Variants in SHROOM2 observed in about 807,000 individuals in gnomAD.
SHROOM2 encodes shroom family member 2, also known as protein Shroom2.
In SHROOM2, 33 loss-of-function variants were observed where a neutral mutation model predicts 75.9. The ratio of observed to expected loss-of-function variants is 0.43; its 90% CI spans 0.33 to 0.58. The LOEUF (loss-of-function observed/expected upper bound fraction) is 0.58. Among genes scored for constraint, SHROOM2 ranks in the 20% least tolerant of loss-of-function variants. The pLI is 0.04. For missense variants in SHROOM2, 1,434 were observed against 1,461.2 expected (o/e 0.98, Z 0.30); for synonymous variants, 655 against 663.6 (o/e 0.99, Z 0.20).
chrX:9,793,133 C>A (rs1447266186), intron 1 of SHROOM2, among the ~76,000 whole-genome samples: 3 of 111,925 alleles, frequency 2.7e-5, no homozygotes, highest in African/African-American at 9.7e-5. Context: ...GACTACTGAT[C>A]ACTTCCCCCT....
chrX:9,893,871 T>A (rs1301113031), intron 3 of SHROOM2, among the ~76,000 whole-genome samples: 1 of 108,524 alleles, frequency 9.2e-6, no homozygotes, highest in African/African-American at 3.4e-5. Context: ...GGAGAATCGC[T>A]TGAACCCAGG....
rs1411214200 is a variant in SHROOM2, at chrX:9,895,998, T to C, written c.2090T>C (p.Phe697Ser). 8 of 1,205,750 alleles carry C rather than the reference T, an allele frequency of 6.6e-6. No homozygotes were observed. In the African/African-American group the frequency reaches 1.4e-4, roughly 21 times the overall value. ...AQARVLRATSFKRRDLDPNPG... is the reference protein window; with the variant it reads ...AQARVLRATSSKRRDLDPNPG... ...GCCCGGGTCCTGAGGGCCACGTCCT[T>C]CAAGCGCCGCGACTTGGACCCCAAC... Residue 697 changes from phenylalanine (F) to serine (S), a missense_variant, in exon 4 of 10, where the codon TTC becomes TCC. Phe to Ser is a radical substitution (Grantham distance 155). This residue lies in a region of SHROOM2 where 1,340 missense variants were observed against 1,338.3 expected (regional missense o/e 1.00). Coordinates refer to ENST00000380913, the MANE Select transcript of SHROOM2 (RefSeq NM_001649.4).
chrX:9,837,753 C>T (rs1342280610), intron 1 of SHROOM2, among the ~76,000 whole-genome samples: 1 of 111,949 alleles, frequency 8.9e-6, no homozygotes, highest in Admixed American at 9.5e-5. Flanking sequence ...CAGCTCCTTG[C>T]GGCTGGGTGG....
At chrX:9,809,241 T>C (rs754216033) in intron 1 of SHROOM2, among the ~76,000 whole-genome samples, 1 of 111,199 alleles carries the variant, frequency 9.0e-6, no homozygotes, top group East Asian at 2.8e-4. Flanking sequence ...GTCCCAAAAC[T>C]GAAGAACCTG....
chrX:9,791,346 T>C (rs762930209), intron 1 of SHROOM2, among the ~76,000 whole-genome samples: 2 of 111,502 alleles, frequency 1.8e-5, no homozygotes, highest in African/African-American at 6.5e-5. Flanking sequence ...TGGAGTTGTT[T>C]GTCCCCTTGC....
intron 1 of SHROOM2, among the ~76,000 whole-genome samples, chrX:9,850,971 G>A (rs1252895498): frequency 4.5e-5 from 5 of 111,637 alleles, no homozygotes; most frequent in Non-Finnish European, 9.4e-5. Context: ...TGGTAGACCA[G>A]CGTGGCCTTA....
intron 2 of SHROOM2, among the ~76,000 whole-genome samples, chrX:9,883,749 A>C (rs2084244380): frequency 9.0e-6 from 1 of 111,353 alleles, no homozygotes; most frequent in Admixed American, 9.5e-5. Flanking sequence ...AGCCTTCCGG[A>C]GGATTGGCAG....
Position 9,803,037 on chromosome X carries a change from T to C in SHROOM2, c.165+16327T>C, listed in dbSNP as rs752559701. 2.9e-4 allele frequency among the ~76,000 whole-genome samples: 31 copies of C among 107,595 alleles called. No individual in the cohort carries two copies. In the East Asian group the frequency reaches 7.9e-3, roughly 27 times the overall value. The allele number at this position is 107,595 out of a possible 115,157, so 93.4% of individuals were successfully genotyped here. A position where few individuals can be genotyped will look rare whatever the true frequency, so the allele number is the denominator to read the frequency against. ...TTGACCTCCTGGGCTCAAGCAATCC[T>C]CCTGCCTTAGCCCCCTGAGTAGCTG... On this transcript the variant is annotated intron_variant, in intron 1 of 9. Coordinates refer to ENST00000380913, the MANE Select transcript of SHROOM2 (RefSeq NM_001649.4).
At chrX:9,791,851 C>T (rs748525595) in intron 1 of SHROOM2, among the ~76,000 whole-genome samples, 16 of 109,271 alleles carry the variant, frequency 1.5e-4, no homozygotes, top group South Asian at 4.0e-4. Context: ...AAAAATTAGC[C>T]GGGTGTGGTG....
intron 2 of SHROOM2, among the ~76,000 whole-genome samples, chrX:9,887,841 G>T (rs2084269244): frequency 1.8e-5 from 2 of 113,059 alleles, no homozygotes; most frequent in South Asian, 7.1e-4. Flanking sequence ...ATGCAGCTGA[G>T]ATGGGGTTAC....
At chrX:9,864,641 C>T (rs1285042681) in intron 1 of SHROOM2, among the ~76,000 whole-genome samples, 1 of 107,251 alleles carries the variant, frequency 9.3e-6, no homozygotes, top group African/African-American at 3.4e-5. Context: ...AAAAAAAAAA[C>T]GGTGAAACCC....
chrX:9,928,088 C>T (rs2084612399), intron 5 of SHROOM2, among the ~76,000 whole-genome samples: 1 of 111,699 alleles, frequency 9.0e-6, no homozygotes, highest in Non-Finnish European at 1.9e-5. Context: ...CAGGTTTGTC[C>T]CCTTCATATA....
intron 1 of SHROOM2, among the ~76,000 whole-genome samples, chrX:9,808,042 G>C (rs747325564): frequency 9.0e-6 from 1 of 111,472 alleles, no homozygotes; most frequent in Non-Finnish European, 1.9e-5. Context: ...AGGGAGAACT[G>C]GTCTGTGGAT....
intron 5 of SHROOM2, among the ~76,000 whole-genome samples, chrX:9,905,328 T>A (rs2084385903): frequency 1.8e-5 from 2 of 113,148 alleles, no homozygotes; most frequent in Admixed American, 9.3e-5. Flanking sequence ...TCCTTCTCAA[T>A]ATAAATAGAA....
chrX:9,877,021 C>T (rs2084204385), intron 2 of SHROOM2, among the ~76,000 whole-genome samples: 1 of 112,342 alleles, frequency 8.9e-6, no homozygotes, highest in Non-Finnish European at 1.9e-5. Context: ...CCTGTAGTGA[C>T]AGCTGCTACA....
At chrX:9,805,742 A>G (rs61601579) in intron 1 of SHROOM2, among the ~76,000 whole-genome samples, 5,593 of 110,328 alleles carry the variant, frequency 0.051, 330 homozygotes, top group African/African-American at 0.17. Context: ...CTAAAAGGAA[A>G]CCAATTAATG....
At chrX:9,791,999 T>C (rs754118703) in intron 1 of SHROOM2, among the ~76,000 whole-genome samples, 3 of 67 alleles carry the variant, frequency 0.045, no homozygotes, top group Admixed American at 0.25. Flanking sequence ...TAGAATAGAA[T>C]AGAATAGAAT....
At chrX:9,841,899 A>G (rs1248205080) in intron 1 of SHROOM2, among the ~76,000 whole-genome samples, 4 of 111,125 alleles carry the variant, frequency 3.6e-5, no homozygotes, top group Non-Finnish European at 7.5e-5. Context: ...AAAGAAGCAA[A>G]CAAAAAAATA....
chrX:9,913,206 A>G (rs768540478), intron 5 of SHROOM2: 1 of 112,516 alleles, frequency 8.9e-6, no homozygotes, highest in Non-Finnish European at 1.9e-5. Context: ...CAGGCATTGA[A>G]TGCGGACATT....
Sources: allele counts gnomAD v4.1 joint callset (sites outside exome capture counted in the v4.1 genomes callset), GRCh38; gene constraint gnomAD v4.1.1; regional missense constraint gnomAD v4.1.1; transcripts MANE v1.5; gene names NCBI Gene and HGNC (gene_info 2026-07-23, HGNC 2026-07-21).